The following FRMPD4 variants were observed in gnomAD, a reference collection of about 807,000 sequenced individuals.
FRMPD4 encodes FERM and PDZ domain-containing protein 4.
Under a neutral mutation model 94.1 loss-of-function variants are expected in FRMPD4, and 22 were observed. The ratio of observed to expected loss-of-function variants is 0.23; its 90% CI spans 0.17 to 0.33. The LOEUF (loss-of-function observed/expected upper bound fraction) is 0.33, where lower values mean the gene tolerates loss of function less well. Ranked by LOEUF, FRMPD4 falls within the 10% of genes least tolerant of loss-of-function variation. FRMPD4 has a pLI of 1.00. For synonymous variants in FRMPD4, 631 were observed against 548.6 expected (o/e 1.15, Z -2.10); for missense variants, 1,111 against 1,339.9 (o/e 0.83, Z 2.67).
intron 2 of FRMPD4, among the ~76,000 whole-genome samples, chrX:12,575,336 C>T (rs1208487620): frequency 7.6e-5 from 8 of 105,298 alleles, no homozygotes; most frequent in African/African-American, 2.1e-4. Flanking sequence ...TTTCCAGAAC[C>T]GTATCTTATT....
intron 3 of FRMPD4, among the ~76,000 whole-genome samples, chrX:12,114,937 G>A (rs2055396019): frequency 8.9e-6 from 1 of 111,976 alleles, no homozygotes; most frequent in Admixed American, 9.5e-5. Flanking sequence ...ACCTATCCTA[G>A]CTTTGCTCAC....
At chrX:12,496,237 T>C (rs1277058069) in intron 1 of FRMPD4, among the ~76,000 whole-genome samples, 2 of 112,333 alleles carry the variant, frequency 1.8e-5, no homozygotes, top group Non-Finnish European at 3.8e-5. Flanking sequence ...AAATTATTCA[T>C]TGTTTATTTG....
intron 1 of FRMPD4, among the ~76,000 whole-genome samples, chrX:12,334,079 A>G (rs919002428): frequency 2.7e-5 from 3 of 111,455 alleles, no homozygotes; most frequent in Non-Finnish European, 1.9e-5. Context: ...TTATTGGGAG[A>G]TTATGGAAAG....
chrX:12,389,429 C>CAG (rs1241574644), intron 1 of FRMPD4, among the ~76,000 whole-genome samples: 5 of 107,970 alleles, frequency 4.6e-5, no homozygotes, highest in African/African-American at 1.7e-4. Flanking sequence ...GAGCTGAGAT[C>CAG]TCACCACTGC....
intron 1 of FRMPD4, among the ~76,000 whole-genome samples, chrX:12,238,105 T>C (rs2085849469): frequency 9.0e-6 from 1 of 111,713 alleles, no homozygotes; most frequent in South Asian, 3.8e-4. Context: ...ACTGGCCCTT[T>C]ATTTTTATTT....
intron 1 of FRMPD4, among the ~76,000 whole-genome samples, chrX:12,203,281 C>T (rs1239794982): frequency 2.7e-5 from 3 of 111,679 alleles, no homozygotes; most frequent in Non-Finnish European, 3.8e-5. Context: ...ATTTGGGAGT[C>T]AAAGTCAAGG....
intron 3 of FRMPD4, among the ~76,000 whole-genome samples, chrX:11,902,399 G>A (rs1040913456): frequency 2.7e-5 from 3 of 111,505 alleles, no homozygotes; most frequent in African/African-American, 9.8e-5. Context: ...TTTGTGCTGT[G>A]TCCTTACATG....
chrX:12,168,890 GC>G (rs2056173194), intron 1 of FRMPD4, among the ~76,000 whole-genome samples: 1 of 111,837 alleles, frequency 8.9e-6, no homozygotes, highest in African/African-American at 3.3e-5. Flanking sequence ...CTCCCAGAGT[GC>G]TGGGATTACA....
intron 1 of FRMPD4, among the ~76,000 whole-genome samples, chrX:12,334,307 C>T (rs367574742): frequency 9.0e-6 from 1 of 110,950 alleles, no homozygotes; most frequent in East Asian, 2.8e-4. Context: ...GGAATTGCCC[C>T]CAGCCTTCCT....
At chrX:12,362,991 G>A (rs1281353099) in intron 1 of FRMPD4, among the ~76,000 whole-genome samples, 2 of 112,443 alleles carry the variant, frequency 1.8e-5, no homozygotes, top group African/African-American at 6.5e-5. Flanking sequence ...TCTGTTGGCT[G>A]CATAAATGTC....
At position 12,553,434 on chromosome X, in the gene FRMPD4, C is replaced by CTATATATATATATATATATATATA. The variant is rs3066486; in HGVS notation, c.158+54648_158+54671dup. Among the ~76,000 whole-genome samples the CTATATATATATATATATATATATA allele has an allele frequency of 7.1e-4, 28 of 39,648 alleles. 2 individuals are homozygous for CTATATATATATATATATATATATA. The highest frequency in any genetic ancestry group is 1.9e-3 in the African/African-American group (18 of 9,620). The allele number at this position is 39,648 out of a possible 115,157, so 34.4% of individuals were successfully genotyped here. On this transcript the variant is annotated intron_variant, in intron 2 of 16. Coordinates refer to ENST00000675598, the MANE Select transcript of FRMPD4 (RefSeq NM_001368397.1). ...AGTTTTGTGAGATCTATCCATATGC[C>CTATATATATATATATATATATATA]TATATATATATATATATATATATAT...
At position 12,716,409 on chromosome X, in the gene FRMPD4, A is replaced by T. The variant is rs1395145374; in HGVS notation, c.1950A>T (p.Lys650Asn). Residue 650 changes from lysine to asparagine, a missense_variant, in exon 15 of 17, where the codon AAA (lysine) becomes AAT (asparagine). Lys to Asn is a moderately conservative substitution (Grantham distance 94). Coordinates refer to ENST00000675598, the MANE Select transcript of FRMPD4 (RefSeq NM_001368397.1). ...CACAGGAATCTCCGAGAGGAGCTAA[A>T]GTGTCCTTTATTTTTGGAGACTTCG... ...KKAQESPRGA[K>N]VSFIFGDFAL... 1 of 1,210,091 alleles carries T rather than the reference A, an allele frequency of 8.3e-7. No homozygotes were observed. Among genetic ancestry groups the T allele is most frequent in the Non-Finnish European group, 1.1e-6 (1 of 894,170 alleles).
At chrX:12,158,754 C>G (rs375622388) in intron 1 of FRMPD4, among the ~76,000 whole-genome samples, 1 of 112,215 alleles carries the variant, frequency 8.9e-6, no homozygotes, top group African/African-American at 3.2e-5. Context: ...CATTCTACTG[C>G]TTATGTTAAA....
chrX:11,847,618 A>T (rs1350794735), intron 1 of FRMPD4, among the ~76,000 whole-genome samples: 4 of 109,016 alleles, frequency 3.7e-5, no homozygotes, highest in Non-Finnish European at 7.6e-5. Flanking sequence ...AATAGCAAAG[A>T]CTTGGAACCA....
intron 10 of FRMPD4, among the ~76,000 whole-genome samples, chrX:12,703,530 C>G (rs1437888933): frequency 9.0e-6 from 1 of 111,725 alleles, no homozygotes; most frequent in Non-Finnish European, 1.9e-5. Context: ...AACTGGAATC[C>G]TCTTGAAGGT....
intron 1 of FRMPD4, among the ~76,000 whole-genome samples, chrX:12,475,445 GT>G (rs2057582760): frequency 9.0e-6 from 1 of 111,517 alleles, no homozygotes; most frequent in East Asian, 2.8e-4. Flanking sequence ...TCAACATAGT[GT>G]TGGAAGTTCT....
intron 2 of FRMPD4, among the ~76,000 whole-genome samples, chrX:12,516,443 C>A (rs1354056576): frequency 1.8e-5 from 2 of 112,067 alleles, no homozygotes; most frequent in African/African-American, 6.5e-5. Context: ...GATTTTATTT[C>A]TCCTTCACTT....
At chrX:12,028,495 A>G (rs2054673480) in intron 3 of FRMPD4, among the ~76,000 whole-genome samples, 1 of 109,939 alleles carries the variant, frequency 9.1e-6, no homozygotes, top group Admixed American at 9.7e-5. Flanking sequence ...ATTATCACCC[A>G]AAGCCTATGT....
chrX:12,478,354 G>A lies in FRMPD4; in HGVS notation c.42-20326G>A, dbSNP rs1157091982. On this transcript the variant is annotated intron_variant, in intron 1 of 16. Transcript: ENST00000675598. ...CTTGGGAGGCCGAGGCAGGCAGATC[G>A]CATGAGGCCAGGAGTCCAAGACCAG... 3.6e-5 allele frequency among the ~76,000 whole-genome samples: 4 copies of A among 111,508 alleles called. No homozygotes were observed. In the Admixed American group the frequency reaches 3.8e-4, roughly 11 times the overall value.
Sources: gnomAD v4.1 joint callset for allele counts (sites outside exome capture counted in the v4.1 genomes callset) on GRCh38, gnomAD v4.1.1 for gene constraint, MANE v1.5 for transcripts, NCBI Gene and HGNC (gene_info 2026-07-23, HGNC 2026-07-21) for gene names.